Variants in KLHL8 observed in about 807,000 individuals in gnomAD.
The protein encoded by KLHL8 is kelch like family member 8, also known as kelch-like protein 8.
KLHL8 carries 38 observed loss-of-function variants against 63.5 expected under a neutral mutation model. The ratio of observed to expected loss-of-function variants is 0.60; its 90% CI spans 0.46 to 0.78. The LOEUF is 0.78. Ranked by LOEUF, KLHL8 falls within the 30% of genes least tolerant of loss-of-function variation. The pLI, the probability that KLHL8 is intolerant of heterozygous loss-of-function variation, is 0.00. For synonymous variants in KLHL8, 224 were observed against 254.3 expected (o/e 0.88, Z 1.13); for missense variants, 566 against 752.4 (o/e 0.75, Z 2.90).
intron 1 of KLHL8, among the ~76,000 whole-genome samples, chr4:87,235,911 G>C (rs1578413926): frequency 6.6e-6 from 1 of 152,114 alleles, no homozygotes; most frequent in Non-Finnish European, 1.5e-5. Context: ...AGGAGGGTGC[G>C]GGGGAAGGGG....
intron 1 of KLHL8, among the ~76,000 whole-genome samples, chr4:87,226,844 ATATT>A (rs1195563389): frequency 1.1e-4 from 3 of 26,128 alleles, no homozygotes; most frequent in African/African-American, 1.9e-4. Flanking sequence ...AATAATATAT[ATATT>A]ATATATAAAT....
Position 87,164,006 on chromosome 4 carries a change from C to T in KLHL8, c.1611G>A (p.Val537=). The T allele has an allele frequency of 6.2e-7, 1 of 1,614,162 alleles. No homozygotes were observed. Among genetic ancestry groups the T allele is most frequent in the Non-Finnish European group, 8.5e-7 (1 of 1,180,008 alleles). Residue 537 remains valine, a synonymous_variant, in exon 9 of 10, where the codon GTG becomes GTA. Coordinates refer to ENST00000273963, the MANE Select transcript of KLHL8 (RefSeq NM_020803.5). ...YDPRSNKWDY[V]AALTTPRGGV... ...CACCTCTGGGAGTAGTAAGTGCTGC[C>T]ACATAATCCCACTTGTTGCTTCGGG...
rs1356951773 is a variant in KLHL8, at chr4:87,232,120, CTG to C, written n.57+8136_57+8137del. Among the ~76,000 whole-genome samples, 11 of 152,332 alleles carry C rather than the reference CTG, an allele frequency of 7.2e-5. 2 individuals carry two copies. Among genetic ancestry groups the C allele is most frequent in the African/African-American group, 2.6e-4 (11 of 41,580 alleles). On this transcript the variant is annotated intron_variant and non_coding_transcript_variant, in intron 1 of 1. Coordinates refer to the KLHL8 transcript ENST00000506274. ...GTATAAAAAGGATAATTAAATAGAA[CTG>C]TGCACTTACCTCTGTGTGCTCCTTT...
At chr4:87,165,081 G>A (rs796488190) in intron 8 of KLHL8, among the ~76,000 whole-genome samples, 16 of 149,260 alleles carry the variant, frequency 1.1e-4, no homozygotes, top group African/African-American at 2.2e-4. Flanking sequence ...CCTGGGAGGC[G>A]GACGCTTGCA....
At chr4:87,196,249 T>A (rs1313375695) in intron 1 of KLHL8, among the ~76,000 whole-genome samples, 1 of 152,032 alleles carries the variant, frequency 6.6e-6, no homozygotes, top group Admixed American at 6.6e-5. Context: ...CGTATTTTAC[T>A]ATCAAGTGCA....
intron 1 of KLHL8, among the ~76,000 whole-genome samples, chr4:87,211,778 C>T (rs781648085): frequency 1.2e-4 from 18 of 152,096 alleles, no homozygotes; most frequent in African/African-American, 2.4e-4. Context: ...AAATTCAACA[C>T]TGATAGGAGA....
chr4:87,205,609 G>A (rs1045015745), intron 1 of KLHL8, among the ~76,000 whole-genome samples: 51 of 152,146 alleles, frequency 3.4e-4, no homozygotes, highest in African/African-American at 1.1e-3. Flanking sequence ...AACTATAGGC[G>A]TGCACCACCA....
chr4:87,183,353 C>T lies in KLHL8; in HGVS notation c.802G>A (p.Gly268Ser), dbSNP rs202006149. The change falls in exon 4 of 10, where the codon GGT (glycine) becomes AGT (serine). Residue 268 changes from glycine to serine, a missense_variant. Coordinates refer to ENST00000273963, the MANE Select transcript of KLHL8 (RefSeq NM_020803.5). ...LPLLPVDFLM[G>S]VVAKEQIVKQ... ...ACAATCTGTTCTTTTGCCACAACACCCATAAGAAAATCAACCGGCAACAAT... is the reference window on the plus strand; with the variant it reads ...ACAATCTGTTCTTTTGCCACAACACTCATAAGAAAATCAACCGGCAACAAT... 1.9e-6 allele frequency: 3 copies of T among 1,609,578 alleles called. No individual in the cohort carries two copies. In the East Asian group the frequency reaches 6.7e-5, roughly 36 times the overall value.
chr4:87,188,489 T>C (rs937893051), intron 2 of KLHL8, among the ~76,000 whole-genome samples: 3 of 152,196 alleles, frequency 2.0e-5, no homozygotes, highest in African/African-American at 7.2e-5. Flanking sequence ...CCCTTTACAA[T>C]TCCATTTGAG....
At chr4:87,190,641 CT>C (rs1245792195) in intron 2 of KLHL8, among the ~76,000 whole-genome samples, 3 of 68,532 alleles carry the variant, frequency 4.4e-5, no homozygotes, top group African/African-American at 1.6e-4. Context: ...GAGACTCTGT[CT>C]TTAAAAAAAA....
chr4:87,202,926 T>C (rs1231009273), intron 1 of KLHL8, among the ~76,000 whole-genome samples: 1 of 152,102 alleles, frequency 6.6e-6, no homozygotes, highest in East Asian at 1.9e-4. Flanking sequence ...TTAGCAAATA[T>C]AATCCAGCAA....
At position 87,195,440 on chromosome 4, in the gene KLHL8, T is replaced by C. The variant is rs1295127139; in HGVS notation, c.100A>G (p.Ser34Gly). Residue 34 changes from serine (S) to glycine (G), a missense_variant, in exon 2 of 10, where the codon AGT becomes GGT. Coordinates refer to ENST00000273963, the MANE Select transcript of KLHL8 (RefSeq NM_020803.5). ...AAGGAATCTTCTCCATCACCATCAC[T>C]AATTGAGGATCTGTTCTTTATTTGC... Reference protein sequence around the residue: ...HQQIKNRSSISDGDGEDSFIF... With the variant: ...HQQIKNRSSIGDGDGEDSFIF... 3.1e-6 allele frequency: 5 copies of C among 1,613,680 alleles called. No homozygotes were observed. Among genetic ancestry groups the C allele is most frequent in the Non-Finnish European group, 4.2e-6 (5 of 1,179,766 alleles).
At chr4:87,166,299 G>C (rs545765558) in intron 8 of KLHL8, among the ~76,000 whole-genome samples, 1 of 152,198 alleles carries the variant, frequency 6.6e-6, no homozygotes, top group Non-Finnish European at 1.5e-5. Flanking sequence ...CTACTTATAA[G>C]AGAATGCTGT....
At chr4:87,167,291 T>C in intron 8 of KLHL8, 1 of 463,956 alleles carries the variant, frequency 2.2e-6, no homozygotes, top group Non-Finnish European at 4.1e-6. Context: ...ATCAAGTTCA[T>C]GGGCTGCTTT....
intron 1 of KLHL8, among the ~76,000 whole-genome samples, chr4:87,197,529 T>C (rs752321433): frequency 6.6e-5 from 10 of 152,178 alleles, no homozygotes; most frequent in African/African-American, 1.4e-4. Context: ...AATAGCTTTA[T>C]TGCAGCCTTA....
chr4:87,163,980 C>G lies in KLHL8; in HGVS notation c.1637G>C (p.Gly546Ala). 1 of 1,614,174 alleles carries G rather than the reference C, an allele frequency of 6.2e-7. No individual in the cohort carries two copies. Among genetic ancestry groups the G allele is most frequent in the African/African-American group, 1.3e-5 (1 of 75,060 alleles). ...YVAALTTPRGGVGIATVMGKI... is the reference protein window; with the variant it reads ...YVAALTTPRGAVGIATVMGKI... Reference sequence around the variant, plus strand: ...GCCCATCACTGTTGCGATTCCCACTCCACCTCTGGGAGTAGTAAGTGCTGC... The same window carrying G: ...GCCCATCACTGTTGCGATTCCCACTGCACCTCTGGGAGTAGTAAGTGCTGC... Residue 546 changes from glycine to alanine, a missense_variant, in exon 9 of 10, where the codon GGA becomes GCA. Coordinates refer to ENST00000273963, the MANE Select transcript of KLHL8 (RefSeq NM_020803.5).
intron 8 of KLHL8, among the ~76,000 whole-genome samples, chr4:87,164,576 G>T (rs1730303265): frequency 6.6e-6 from 1 of 152,180 alleles, no homozygotes; most frequent in South Asian, 2.1e-4. Flanking sequence ...CATAATTACA[G>T]AAATGGTGGA....
chr4:87,232,339 AT>A (rs1733150425), intron 1 of KLHL8, among the ~76,000 whole-genome samples: 1 of 152,228 alleles, frequency 6.6e-6, no homozygotes, highest in East Asian at 1.9e-4. Flanking sequence ...TGTGAGATTC[AT>A]CCCTGTTGAT....
intron 6 of KLHL8, 53 bp from the exon 7 acceptor site, chr4:87,170,668 A>G: frequency 6.0e-6 from 9 of 1,501,168 alleles, no homozygotes; most frequent in Non-Finnish European, 8.1e-6. Flanking sequence ...CCAGGAAAAA[A>G]AGTCATATAA....
Sources: gnomAD v4.1 joint callset for allele counts (sites outside exome capture counted in the v4.1 genomes callset) on GRCh38, gnomAD v4.1.1 for gene constraint, MANE v1.5 for transcripts, NCBI Gene and HGNC (gene_info 2026-07-23, HGNC 2026-07-21) for gene names.